Variants in CA5A observed in about 807,000 individuals in gnomAD.
CA5A encodes carbonic anhydrase 5A.
A neutral mutation model predicts 37.1 loss-of-function variants in CA5A; 28 were observed. The ratio of observed to expected loss-of-function variants is 0.75; its 90% CI spans 0.56 to 1.03. The LOEUF (loss-of-function observed/expected upper bound fraction) is 1.03. Ranked by LOEUF, CA5A falls within the 50% of genes least tolerant of loss-of-function variation. The pLI, the probability that CA5A is intolerant of heterozygous loss-of-function variation, is 0.00. For missense variants in CA5A, 444 were observed against 399.9 expected, an observed-to-expected ratio of 1.11 and a Z score of -0.94; for synonymous variants, 171 against 158.4, an observed-to-expected ratio of 1.08 and a Z score of -0.60.
chr16:87,897,523 G>C (rs567934271), intron 5 of CA5A, among the ~76,000 whole-genome samples: 1 of 152,256 alleles, frequency 6.6e-6, no homozygotes, highest in African/African-American at 2.4e-5. Context: ...GCTGGGGGTG[G>C]GGGTGGGGGT....
intron 5 of CA5A, among the ~76,000 whole-genome samples, chr16:87,896,303 G>A (rs183137549): frequency 1.3e-5 from 2 of 152,136 alleles, no homozygotes; most frequent in Admixed American, 6.6e-5. Context: ...TAGGTTTCTT[G>A]CCAATTAAGC....
At position 87,925,949 on chromosome 16, in the gene CA5A, G is replaced by A. The variant is rs117165228; in HGVS notation, c.340+799C>T. 3.0e-3 allele frequency among the ~76,000 whole-genome samples: 459 copies of A among 152,328 alleles called. 4 individuals are homozygous for A. The East Asian group carries it at 0.04, about 13-fold the overall frequency. ...TTTAAAAGGTCAGCGAGGGCCGGGC[G>A]CGGTGGCTCACGCCTGTAACCCCAG... On this transcript the variant is annotated intron_variant, in intron 2 of 6. Coordinates refer to ENST00000649794, the MANE Select transcript of CA5A (RefSeq NM_001739.2).
At chr16:87,894,242 G>A (rs1014697610) in intron 5 of CA5A, among the ~76,000 whole-genome samples, 1 of 151,992 alleles carries the variant, frequency 6.6e-6, no homozygotes, top group Admixed American at 6.6e-5. Context: ...CCTCATCAGC[G>A]TCCCATGCCA....
intron 2 of CA5A, among the ~76,000 whole-genome samples, chr16:87,915,224 A>G (rs983974976): frequency 3.9e-5 from 6 of 152,234 alleles, no homozygotes; most frequent in African/African-American, 7.2e-5. Context: ...GAAACAATCT[A>G]CAATTCGAAG....
rs1597597422 is a variant in CA5A, at chr16:87,936,528, C to A, written c.-78G>T. On this transcript the variant is annotated 5_prime_UTR_variant, in exon 1 of 7. Transcript: ENST00000649794. Reference sequence around the variant, plus strand: ...TCTGTTCTCACTTTGATCAGGACCACTGTGGACTGGCGTGTACCCACCTCT... The same window carrying A: ...TCTGTTCTCACTTTGATCAGGACCAATGTGGACTGGCGTGTACCCACCTCT... 1 of 1,577,012 alleles carries A rather than the reference C, an allele frequency of 6.3e-7. No homozygotes were observed. Among genetic ancestry groups the A allele is most frequent in the East Asian group, 2.2e-5 (1 of 44,582 alleles).
At chr16:87,913,785 G>C (rs1168426464) in intron 2 of CA5A, among the ~76,000 whole-genome samples, 2 of 152,152 alleles carry the variant, frequency 1.3e-5, no homozygotes, top group Non-Finnish European at 2.9e-5. Context: ...GGGGAGCGTA[G>C]CTGGCCCGTC....
chr16:87,909,664 G>C (rs887779344), intron 2 of CA5A, among the ~76,000 whole-genome samples: 6 of 152,326 alleles, frequency 3.9e-5, no homozygotes, highest in African/African-American at 1.2e-4. Flanking sequence ...TTCAGCATCA[G>C]TCTAGTGTGG....
chr16:87,884,663 G>A (rs2055634803), downstream of CA5A: 1 of 152,256 alleles, frequency 6.6e-6, no homozygotes, highest in South Asian at 2.1e-4. Context: ...GAACCCGGGA[G>A]GCAGAGGTTG....
At chr16:87,898,729 ATTTTT>A (rs59375883) in intron 5 of CA5A, among the ~76,000 whole-genome samples, 4 of 115,050 alleles carry the variant, frequency 3.5e-5, no homozygotes, top group African/African-American at 1.4e-4. Flanking sequence ...TCTAGTGTGG[ATTTTT>A]TTTTTTTTTT....
At chr16:87,930,698 A>G (rs2056390197) in intron 1 of CA5A, among the ~76,000 whole-genome samples, 1 of 149,326 alleles carries the variant, frequency 6.7e-6, no homozygotes, top group East Asian at 1.9e-4. Context: ...CCCACTGGGC[A>G]GGAGAGGGAG....
chr16:87,895,646 T>A (rs1267359474), intron 5 of CA5A, among the ~76,000 whole-genome samples: 1 of 152,188 alleles, frequency 6.6e-6, no homozygotes, highest in Non-Finnish European at 1.5e-5. Flanking sequence ...CCATCCCAAG[T>A]CAATTTTAGA....
At chr16:87,897,449 G>A (rs113445800) in intron 5 of CA5A, among the ~76,000 whole-genome samples, 12,251 of 151,866 alleles carry the variant, frequency 0.081, 1,203 homozygotes, top group African/African-American at 0.24. Flanking sequence ...CTGTGCCTGC[G>A]TGCTGGGAGC....
chr16:87,930,355 C>A (rs1390700525), intron 1 of CA5A, among the ~76,000 whole-genome samples: 1 of 152,198 alleles, frequency 6.6e-6, no homozygotes, highest in African/African-American at 2.4e-5. Flanking sequence ...GAACTGAGAT[C>A]CTGGCCTCTG....
At chr16:87,922,555 A>G (rs191565003) in intron 2 of CA5A, among the ~76,000 whole-genome samples, 2 of 152,342 alleles carry the variant, frequency 1.3e-5, no homozygotes, top group African/African-American at 4.8e-5. Context: ...TCCACCGCCA[A>G]CAGGGTTGGG....
chr16:87,923,638 T>G, intron 2 of CA5A: 3 of 985,342 alleles, frequency 3.0e-6, no homozygotes, highest in South Asian at 9.4e-5. Flanking sequence ...GAGGGCTGGG[T>G]GTCAGCTCAG....
intron 6 of CA5A, among the ~76,000 whole-genome samples, 174 bp downstream of exon 6, chr16:87,891,625 A>G (rs2055714417): frequency 6.6e-6 from 1 of 152,212 alleles, no homozygotes; most frequent in Non-Finnish European, 1.5e-5. Context: ...CCGCTGTCCA[A>G]TCTCAACAAG....
intron 2 of CA5A, among the ~76,000 whole-genome samples, chr16:87,917,729 A>ATGTATATACAGTG (rs1567530486): frequency 7.9e-6 from 1 of 127,150 alleles, no homozygotes; most frequent in South Asian, 2.3e-4. Flanking sequence ...ACGTGCACAC[A>ATGTATATACAGTG]CACATGAACA....
chr16:87,885,452 G>A (rs1264226463), downstream of CA5A: 2 of 152,406 alleles, frequency 1.3e-5, no homozygotes, highest in Non-Finnish European at 2.9e-5. Flanking sequence ...AAATCCACAG[G>A]AGACACCTGG....
At chr16:87,928,679 C>G (rs1365376091) in intron 1 of CA5A, among the ~76,000 whole-genome samples, 1 of 151,396 alleles carries the variant, frequency 6.6e-6, no homozygotes, top group East Asian at 1.9e-4. Flanking sequence ...AGGTTATTTC[C>G]AACTTCTTGC....
Sources: allele counts gnomAD v4.1 joint callset (sites outside exome capture counted in the v4.1 genomes callset), GRCh38; gene constraint gnomAD v4.1.1; transcripts MANE v1.5; gene names NCBI Gene and HGNC (gene_info 2026-07-23, HGNC 2026-07-21).